The following DPYD variants were observed in gnomAD, a reference collection of about 807,000 sequenced individuals.
The protein encoded by DPYD is dihydropyrimidine dehydrogenase [NADP(+)].
In DPYD, 109 loss-of-function variants were observed where a neutral mutation model predicts 116.2. The ratio of observed to expected loss-of-function variants is 0.94; its 90% CI spans 0.80 to 1.10. The LOEUF is 1.10. Ranked by LOEUF, DPYD falls within the 50% of genes least tolerant of loss-of-function variation. The probability of loss-of-function intolerance (pLI) is 0.00; values close to 1 mark genes in which losing one functional copy is unlikely to be tolerated. For synonymous variants in DPYD, 440 were observed against 432.0 expected, an observed-to-expected ratio of 1.02 and a Z score of -0.23; for missense variants, 1,302 against 1,254.5, an observed-to-expected ratio of 1.04 and a Z score of -0.57.
At chr1:97,216,542 C>T (rs964905347) in intron 19 of DPYD, among the ~76,000 whole-genome samples, 7 of 152,076 alleles carry the variant, frequency 4.6e-5, no homozygotes, top group African/African-American at 7.2e-5. Flanking sequence ...ACCTGTAATC[C>T]CAGTACTTTG....
chr1:97,131,387 T>G (rs1473825056), intron 20 of DPYD, among the ~76,000 whole-genome samples: 1 of 152,178 alleles, frequency 6.6e-6, no homozygotes, highest in African/African-American at 2.4e-5. Flanking sequence ...ATGCATGTAA[T>G]AATACCCAGG....
intron 7 of DPYD, among the ~76,000 whole-genome samples, chr1:97,685,906 C>T (rs889084869): frequency 2.6e-5 from 4 of 152,076 alleles, no homozygotes; most frequent in Admixed American, 1.3e-4. Context: ...GCATCCTGCC[C>T]GAAGCAATTT....
chr1:97,442,471 A>G (rs952973796), intron 14 of DPYD, among the ~76,000 whole-genome samples: 1 of 149,154 alleles, frequency 6.7e-6, no homozygotes, highest in East Asian at 1.9e-4. Flanking sequence ...CATATTACAT[A>G]TTCTGATTCA....
chr1:97,634,650 A>G (rs1657461425), intron 8 of DPYD, among the ~76,000 whole-genome samples: 1 of 152,084 alleles, frequency 6.6e-6, no homozygotes, highest in Admixed American at 6.6e-5. Context: ...GAAGATACAA[A>G]ATATAACAAC....
chr1:97,761,169 T>C (rs1432025279), intron 3 of DPYD, among the ~76,000 whole-genome samples: 3 of 152,054 alleles, frequency 2.0e-5, no homozygotes, highest in Non-Finnish European at 4.4e-5. Context: ...GAGTTGTTAG[T>C]TCATCAAGAT....
intron 20 of DPYD, 58 bp downstream of exon 20, chr1:97,193,011 C>T: frequency 6.3e-7 from 1 of 1,585,012 alleles, no homozygotes; most frequent in Non-Finnish European, 8.7e-7. Context: ...TAAATAAGAT[C>T]TGAAATAGAA....
intron 14 of DPYD, among the ~76,000 whole-genome samples, chr1:97,424,690 A>G (rs1049237330): frequency 6.6e-6 from 1 of 152,046 alleles, no homozygotes; most frequent in African/African-American, 2.4e-5. Flanking sequence ...GTTTCTCCAG[A>G]AACCGATACT....
At chr1:97,641,080 G>A (rs769291847) in intron 8 of DPYD, among the ~76,000 whole-genome samples, 28 of 152,140 alleles carry the variant, frequency 1.8e-4, no homozygotes, top group Non-Finnish European at 3.5e-4. Context: ...CACATGGATG[G>A]AGTGTAAAAG....
chr1:97,576,211 A>C (rs1653252699), intron 10 of DPYD, among the ~76,000 whole-genome samples: 1 of 152,320 alleles, frequency 6.6e-6, no homozygotes, highest in Non-Finnish European at 1.5e-5. Context: ...AAACCAGTTT[A>C]TTGTGTTTCA....
intron 11 of DPYD, among the ~76,000 whole-genome samples, chr1:97,555,820 T>C (rs1034512912): frequency 1.3e-5 from 2 of 152,136 alleles, no homozygotes; most frequent in Non-Finnish European, 2.9e-5. Flanking sequence ...TCTGACCTGG[T>C]AGGAATTTTG....
intron 13 of DPYD, among the ~76,000 whole-genome samples, chr1:97,508,761 G>A (rs1038830614): frequency 1.6e-4 from 25 of 151,924 alleles, no homozygotes; most frequent in African/African-American, 5.6e-4. Flanking sequence ...AAATCCTGAC[G>A]TGGTGGATTT....
intron 10 of DPYD, among the ~76,000 whole-genome samples, chr1:97,575,976 A>G (rs1285349935): frequency 6.6e-6 from 1 of 152,180 alleles, no homozygotes; most frequent in Admixed American, 6.6e-5. Context: ...TGTGATTTCA[A>G]GAGAAAGGTG....
At chr1:97,276,856 G>A (rs1334598596) in intron 18 of DPYD, among the ~76,000 whole-genome samples, 3 of 152,030 alleles carry the variant, frequency 2.0e-5, no homozygotes, top group African/African-American at 7.2e-5. Context: ...TCATTACTGG[G>A]TATATATCCA....
intron 4 of DPYD, among the ~76,000 whole-genome samples, chr1:97,730,884 A>G (rs983396143): frequency 1.3e-5 from 2 of 148,604 alleles, no homozygotes; most frequent in East Asian, 1.9e-4. Context: ...ATTAGAGTTG[A>G]AAAAAAAAGC....
intron 10 of DPYD, among the ~76,000 whole-genome samples, chr1:97,592,740 C>T (rs1046523424): frequency 6.6e-6 from 1 of 152,178 alleles, no homozygotes; most frequent in African/African-American, 2.4e-5. Flanking sequence ...TAAAAATATA[C>T]ATGACACCCT....
intron 8 of DPYD, among the ~76,000 whole-genome samples, chr1:97,624,456 A>G (rs1167514655): frequency 4.6e-5 from 7 of 152,100 alleles, no homozygotes. Flanking sequence ...TTTTATTAAA[A>G]AGATGAAAGA....
intron 2 of DPYD, among the ~76,000 whole-genome samples, chr1:97,843,621 ATACC>A (rs1670143992): frequency 6.6e-6 from 1 of 152,212 alleles, no homozygotes; most frequent in South Asian, 2.1e-4. Flanking sequence ...GTTTGATGGA[ATACC>A]TAAAGGATAC....
intron 20 of DPYD, among the ~76,000 whole-genome samples, chr1:97,129,356 A>C (rs1382966174): frequency 6.6e-6 from 1 of 151,834 alleles, no homozygotes; most frequent in Non-Finnish European, 1.5e-5. Context: ...GTGAGCCACC[A>C]CACCCGGTCC....
intron 20 of DPYD, among the ~76,000 whole-genome samples, chr1:97,187,151 A>G (rs1236225141): frequency 1.3e-5 from 2 of 152,142 alleles, no homozygotes; most frequent in African/African-American, 2.4e-5. Flanking sequence ...AGAAATCTCT[A>G]TACTCTTTTC....
Sources: gnomAD v4.1 joint callset for allele counts (sites outside exome capture counted in the v4.1 genomes callset) on GRCh38, gnomAD v4.1.1 for gene constraint, MANE v1.5 for transcripts, NCBI Gene and HGNC (gene_info 2026-07-23, HGNC 2026-07-21) for gene names.